Variants in POTEI observed in about 807,000 individuals in gnomAD.
POTEI encodes POTE ankyrin domain family member I, also known as POTE ankyrin domain family, member I.
In POTEI, 14 loss-of-function variants were observed where a neutral mutation model predicts 43.4. The ratio of observed to expected loss-of-function variants is 0.32; its 90% CI spans 0.21 to 0.50. The LOEUF is 0.50. POTEI is among the 20% of genes least tolerant of loss of function. The pLI, the probability that POTEI is intolerant of heterozygous loss-of-function variation, is 0.98. For synonymous variants in POTEI, 95 were observed against 297.9 expected, an observed-to-expected ratio of 0.32 and a Z score of 7.01; for missense variants, 235 against 795.4, an observed-to-expected ratio of 0.30 and a Z score of 8.47.
rs1386966268 is a variant in POTEI, at chr2:130,493,037, A to G, written c.1127-2297T>C. ...TATATATTGCTTTGTTTAAAGGAAGAACACAAAAATGCCCTGCTAAAGGGA... is the reference window on the plus strand; with the variant it reads ...TATATATTGCTTTGTTTAAAGGAAGGACACAAAAATGCCCTGCTAAAGGGA... On this transcript the variant is annotated intron_variant, in intron 6 of 14. Coordinates refer to ENST00000451531, the MANE Select transcript of POTEI (RefSeq NM_001277406.2). Among the ~76,000 whole-genome samples the G allele has an allele frequency of 2.2e-3, 288 of 131,088 alleles. 2 individuals are homozygous for G. The highest frequency in any genetic ancestry group is 7.4e-3 in the African/African-American group (273 of 37,096). 86.0% of individuals were successfully genotyped at this position (131,088 alleles called of 152,430 possible).
chr2:130,477,369 C>T (rs1157513364), intron 10 of POTEI, among the ~76,000 whole-genome samples: 3 of 147,406 alleles, frequency 2.0e-5, no homozygotes, highest in African/African-American at 7.6e-5. Flanking sequence ...ACAGGATGGT[C>T]TCGATCTCCT....
chr2:130,482,472 A>G (rs1683424988), intron 9 of POTEI, among the ~76,000 whole-genome samples: 2 of 150,660 alleles, frequency 1.3e-5, no homozygotes, highest in South Asian at 4.2e-4. Context: ...TGTTATAATG[A>G]TTTAACAAGA....
At chr2:130,477,151 T>C (rs1362561480) in intron 10 of POTEI, among the ~76,000 whole-genome samples, 4 of 151,420 alleles carry the variant, frequency 2.6e-5, no homozygotes, top group Admixed American at 2.6e-4. Flanking sequence ...TTTCTTTTTT[T>C]CTTTTTTCTT....
At position 130,509,304 on chromosome 2, in the gene POTEI, T is replaced by C. The variant is rs55938216; in HGVS notation, c.-69A>G. The C allele has an allele frequency of 2.9e-6, 2 of 699,500 alleles. No homozygotes were observed. Among genetic ancestry groups the C allele is most frequent in the Non-Finnish European group, 4.4e-6 (2 of 455,022 alleles). The allele number at this position is 699,500 out of a possible 1,614,324, so 43.3% of individuals were successfully genotyped here. Reference sequence around the variant, plus strand: ...ACGTCTACCAACCAGTTTCACCAACTAGCAGGTAACTCCGGGTTTCCAATC... The same window carrying C: ...ACGTCTACCAACCAGTTTCACCAACCAGCAGGTAACTCCGGGTTTCCAATC... On this transcript the variant is annotated 5_prime_UTR_variant, in exon 1 of 15. Coordinates refer to ENST00000451531, the MANE Select transcript of POTEI (RefSeq NM_001277406.2).
chr2:130,467,733 T>A (rs1440420840), intron 13 of POTEI, among the ~76,000 whole-genome samples: 1 of 152,036 alleles, frequency 6.6e-6, no homozygotes, highest in Non-Finnish European at 1.5e-5. Context: ...GACTAATATC[T>A]ATAACCTACA....
chr2:130,477,650 G>A (rs1683250089), intron 10 of POTEI, among the ~76,000 whole-genome samples: 1 of 137,238 alleles, frequency 7.3e-6, no homozygotes. Flanking sequence ...CATCATCTTT[G>A]TAAAAACAGT....
intron 10 of POTEI, among the ~76,000 whole-genome samples, chr2:130,479,263 T>C (rs1484238439): frequency 6.6e-6 from 1 of 150,956 alleles, no homozygotes; most frequent in Non-Finnish European, 1.5e-5. Flanking sequence ...TTAATGTTAT[T>C]TCTTACAGGA....
intron 9 of POTEI, among the ~76,000 whole-genome samples, chr2:130,483,754 C>A (rs1416318065): frequency 6.7e-6 from 1 of 149,184 alleles, no homozygotes; most frequent in Non-Finnish European, 1.5e-5. Flanking sequence ...GCCACCACAC[C>A]CGGTTAATTT....
At chr2:130,465,283 A>G (rs1682804505) in intron 14 of POTEI, among the ~76,000 whole-genome samples, 1 of 18,346 alleles carries the variant, frequency 5.5e-5, no homozygotes, top group African/African-American at 1.4e-4. Flanking sequence ...CTTTCTTATC[A>G]GTAAAAATAA....
Position 130,470,536 on chromosome 2 carries a change from G to A in POTEI, c.1778+3842C>T, listed in dbSNP as rs1573913385. On this transcript the variant is annotated intron_variant, in intron 13 of 14. Transcript: ENST00000451531. ...CACAAATAGGTTTGAAGTTAGAGAT[G>A]ATAAATCACTTTGTTTCATTGAAAC... 2.7e-4 allele frequency among the ~76,000 whole-genome samples: 2 copies of A among 7,508 alleles called. 1 individual carries two copies. Among genetic ancestry groups the A allele is most frequent in the African/African-American group, 2.9e-4 (2 of 6,972 alleles). The allele number at this position is 7,508 out of a possible 152,430, so 4.9% of individuals were successfully genotyped here. A position where few individuals can be genotyped will look rare whatever the true frequency, so the allele number is the denominator to read the frequency against.
chr2:130,479,318 A>G (rs1295990228), intron 10 of POTEI, among the ~76,000 whole-genome samples: 1 of 149,642 alleles, frequency 6.7e-6, no homozygotes, highest in Non-Finnish European at 1.5e-5. Context: ...AACGAAGGCC[A>G]ACATAGTAAA....
At position 130,463,716 on chromosome 2, in the gene POTEI, G is replaced by A. The variant is rs1309140582; in HGVS notation, c.2328C>T (p.Ile776=). 1.9e-6 allele frequency: 3 copies of A among 1,595,742 alleles called. No homozygotes were observed. The highest frequency in any genetic ancestry group is 2.9e-5 in the African/African-American group (2 of 68,952). The change falls in exon 15 of 15, where the codon ATC becomes ATT. Residue 776 remains isoleucine, a synonymous_variant. Transcript: ENST00000451531. ...TCTTCTCCATGTCATCCCAGTTGGT[G>A]ATGATGCCGTGTTCCATGGGGTACT... The part of the protein sequence containing the change: ...TLKYPMEHGI[I]TNWDDMEKIW...
chr2:130,496,426 G>A, intron 6 of POTEI, 126 bp downstream of exon 6: 1 of 531,654 alleles, frequency 1.9e-6, no homozygotes, highest in Non-Finnish European at 3.3e-6. Flanking sequence ...TAACATGATT[G>A]AATAATCCTG....
chr2:130,502,194 C>G lies in POTEI; in HGVS notation c.810+1252G>C, dbSNP rs1469419605. ...CCTCCCACCTCAGCCTCCCTAGCAG[C>G]TGGGACTACAGCCATGCACCACCAT... is the stretch of plus-strand genomic sequence containing the variant. On this transcript the variant is annotated intron_variant, in intron 3 of 14. Transcript: ENST00000451531. 1.1e-3 allele frequency among the ~76,000 whole-genome samples: 35 copies of G among 31,550 alleles called. 3 individuals are homozygous for G. Among genetic ancestry groups the G allele is most frequent in the Non-Finnish European group, 2.4e-3 (28 of 11,570 alleles). The allele number at this position is 31,550 out of a possible 152,430, so 20.7% of individuals were successfully genotyped here.
chr2:130,507,243 T>A (rs1684183674), intron 1 of POTEI, among the ~76,000 whole-genome samples: 1 of 61,518 alleles, frequency 1.6e-5, no homozygotes, highest in Non-Finnish European at 3.4e-5. Context: ...CAGCTTGGGC[T>A]ACAGAGTGAG....
At chr2:130,482,376 G>C (rs1683420487) in intron 9 of POTEI, among the ~76,000 whole-genome samples, 1 of 149,888 alleles carries the variant, frequency 6.7e-6, no homozygotes, top group East Asian at 1.9e-4. Flanking sequence ...ATAATGAACA[G>C]CTATTTGCTC....
rs890874673 is a variant in POTEI at position 130,460,242 on chromosome 2, A to T, written c.*2574T>A. On this transcript the variant is annotated 3_prime_UTR_variant, in exon 15 of 15. Transcript: ENST00000451531. ...GCTGAGATCAGACCAGCCCCATCTC[A>T]AGTGCAAGATTGCCCAGCCTCCAGA... The T allele has an allele frequency of 2.0e-5, 3 of 151,582 alleles. No individual in the cohort carries two copies. Among genetic ancestry groups the T allele is most frequent in the African/African-American group, 7.3e-5 (3 of 41,038 alleles). The allele number at this position is 151,582 out of a possible 1,614,324, so 9.4% of individuals were successfully genotyped here.
chr2:130,483,487 C>A, intron 9 of POTEI, among the ~76,000 whole-genome samples: 1 of 143,154 alleles, frequency 7.0e-6, no homozygotes, highest in African/African-American at 2.7e-5. Flanking sequence ...GGCTTTTCTC[C>A]CTAAATAAAA....
At position 130,483,823 on chromosome 2, in the gene POTEI, C is replaced by T. The variant is rs549194269; in HGVS notation, c.1410-1750G>A. Among the ~76,000 whole-genome samples the T allele has an allele frequency of 2.7e-3, 410 of 150,404 alleles. 11 individuals carry two copies. The highest frequency in any genetic ancestry group is 9.0e-3 in the African/African-American group (362 of 40,302). On this transcript the variant is annotated intron_variant, in intron 9 of 14. Coordinates refer to ENST00000451531, the MANE Select transcript of POTEI (RefSeq NM_001277406.2). ...GTCTCGATCTCCTGACCTCGTGATCCGCCTGCCTCGGCCTCCCAAAGTGCT... is the reference window on the plus strand; with the variant it reads ...GTCTCGATCTCCTGACCTCGTGATCTGCCTGCCTCGGCCTCCCAAAGTGCT...
Sources: allele counts gnomAD v4.1 joint callset (sites outside exome capture counted in the v4.1 genomes callset), GRCh38; gene constraint gnomAD v4.1.1; transcripts MANE v1.5; gene names NCBI Gene and HGNC (gene_info 2026-07-23, HGNC 2026-07-21).